Variants in MS4A8 observed in about 807,000 individuals in gnomAD.
MS4A8 encodes membrane spanning 4-domains A8, also known as membrane-spanning 4-domains subfamily A member 8.
A neutral mutation model predicts 23.7 loss-of-function variants in MS4A8; 27 were observed. The ratio of observed to expected loss-of-function variants is 1.14; its 90% CI spans 0.84 to 1.57. The LOEUF is 1.57. Among genes scored for constraint, MS4A8 ranks in the 40% most tolerant of loss-of-function variants. The probability of loss-of-function intolerance (pLI) is 0.00; values close to 1 mark genes in which losing one functional copy is unlikely to be tolerated. For synonymous variants in MS4A8, 138 were observed against 126.3 expected (o/e 1.09, Z -0.62); for missense variants, 301 against 311.4 (o/e 0.97, Z 0.25).
chr11:60,715,272 C>T (rs2088333789), intron 6 of MS4A8, 38 bp from the exon 7 acceptor site: 1 of 1,584,028 alleles, frequency 6.3e-7, no homozygotes, highest in African/African-American at 1.3e-5. Flanking sequence ...CATGGCCCGT[C>T]CTTCTTAGCA....
chr11:60,711,067 A>C (rs541977543), intron 5 of MS4A8, among the ~76,000 whole-genome samples: 102 of 152,116 alleles, frequency 6.7e-4, no homozygotes, highest in Non-Finnish European at 1.3e-3. Flanking sequence ...CTATGCATCT[A>C]ACACCCTCTG....
At position 60,715,044 on chromosome 11, in the gene MS4A8, C is replaced by A. The variant is rs768458327; in HGVS notation, c.558C>A (p.Gly186=). The part of the protein sequence containing the change: ...WGVNPGMAIS[G]VLLVFCLLEF... ...AGAACCCTGGAATGGCGATTTCTGG[C>A]GTGCTGCTGGTCTTCTGCCTCCTGG... Residue 186 remains glycine, a synonymous_variant, in exon 6 of 7, where the codon GGC becomes GGA. Transcript: ENST00000300226. 25 of 1,613,916 alleles carry A rather than the reference C, an allele frequency of 1.5e-5. No individual in the cohort carries two copies. Among genetic ancestry groups the A allele is most frequent in the Non-Finnish European group, 5.1e-6 (6 of 1,179,938 alleles).
chr11:60,707,142 C>G (rs1002988935), intron 4 of MS4A8, 95 bp downstream of exon 4: 9 of 1,140,810 alleles, frequency 7.9e-6, no homozygotes, highest in Admixed American at 1.7e-5. Flanking sequence ...CCTCCCCCAG[C>G]CTTGCACCTA....
At chr11:60,707,834 T>G (rs2868223) in intron 4 of MS4A8, among the ~76,000 whole-genome samples, 14,093 of 101,724 alleles carry the variant, frequency 0.14, 850 homozygotes, top group African/African-American at 0.18. Flanking sequence ...TTTTTTTTTT[T>G]TGTGTGTGTG....
chr11:60,715,162 G>A, intron 6 of MS4A8, 28 bp downstream of exon 6: 1 of 1,568,992 alleles, frequency 6.4e-7, no homozygotes, highest in Non-Finnish European at 8.8e-7. Flanking sequence ...TCAGTGGGTG[G>A]AAAGATGCCC....
At chr11:60,708,421 T>C (rs59750142) in intron 4 of MS4A8, among the ~76,000 whole-genome samples, 7,048 of 152,286 alleles carry the variant, frequency 0.046, 518 homozygotes, top group African/African-American at 0.16. Flanking sequence ...CACTTTTTGA[T>C]GAAAAGAGTT....
In MS4A8 at chr11:60,715,613, C is replaced by A; in HGVS notation, c.*199C>A. ...TCAAGAAGAAGACAGAGATTTTAAACAGATGTTAACCAAGAGGGACTCCCT... is the reference window on the plus strand; with the variant it reads ...TCAAGAAGAAGACAGAGATTTTAAAAAGATGTTAACCAAGAGGGACTCCCT... On this transcript the variant is annotated 3_prime_UTR_variant, in exon 7 of 7. Transcript: ENST00000300226. The A allele has an allele frequency of 1.7e-6, 1 of 572,928 alleles. No homozygotes were observed. The highest frequency in any genetic ancestry group is 3.1e-6 in the Non-Finnish European group (1 of 322,200). 35.5% of individuals were successfully genotyped at this position (572,928 alleles called of 1,614,324 possible).
intron 5 of MS4A8, among the ~76,000 whole-genome samples, chr11:60,711,426 C>T (rs1353408117): frequency 6.6e-6 from 1 of 152,188 alleles, no homozygotes; most frequent in Non-Finnish European, 1.5e-5. Context: ...TTGAGTTTCT[C>T]CCCTCCCAGA....
chr11:60,708,340 A>G (rs2134659247), intron 4 of MS4A8, among the ~76,000 whole-genome samples: 1 of 152,294 alleles, frequency 6.6e-6, no homozygotes, highest in East Asian at 1.9e-4. Context: ...AACTTACCCC[A>G]AAACCTTTCT....
chr11:60,701,440 G>A (rs1216273756), intron 2 of MS4A8: 4 of 396,052 alleles, frequency 1.0e-5, no homozygotes, highest in African/African-American at 4.2e-5. Flanking sequence ...CAATAAGATC[G>A]AATCAAATAT....
chr11:60,706,754 A>G lies in MS4A8; in HGVS notation c.343-234A>G, dbSNP rs7111666. 5.6e-3 allele frequency among the ~76,000 whole-genome samples: 857 copies of G among 152,350 alleles called. 5 individuals are homozygous for G. The highest frequency in any genetic ancestry group is 0.01 in the Middle Eastern group (3 of 294). On this transcript the variant is annotated intron_variant, in intron 3 of 6. Transcript: ENST00000300226. ...CTTAGAGAAGTTAATAACTTACCCAAGGTCAAGAGTTTCTAGCCAGAATTT... is the reference window on the plus strand; with the variant it reads ...CTTAGAGAAGTTAATAACTTACCCAGGGTCAAGAGTTTCTAGCCAGAATTT...
At chr11:60,708,851 G>A in intron 5 of MS4A8, 70 bp downstream of exon 5, 2 of 1,589,988 alleles carry the variant, frequency 1.3e-6, no homozygotes, top group Non-Finnish European at 1.7e-6. Flanking sequence ...TCCCAGAAAG[G>A]GCTTGACAAC....
At chr11:60,714,963 A>T (rs1194218392) in intron 5 of MS4A8, 58 bp from the exon 6 acceptor site, 2 of 1,188,138 alleles carry the variant, frequency 1.7e-6, no homozygotes, top group Non-Finnish European at 2.5e-6. Context: ...CCCCAGTGAG[A>T]GGTCAGTTCG....
intron 1 of MS4A8, among the ~76,000 whole-genome samples, chr11:60,700,042 A>G (rs1331348589): frequency 6.6e-6 from 1 of 152,250 alleles, no homozygotes; most frequent in Non-Finnish European, 1.5e-5. Flanking sequence ...ATGAACAGAC[A>G]CTGCCTTGGC....
intron 5 of MS4A8, 110 bp downstream of exon 5, chr11:60,708,891 A>G: frequency 1.5e-6 from 2 of 1,364,554 alleles, no homozygotes; most frequent in African/African-American, 1.4e-5. Context: ...TGGTAGGAAA[A>G]GGAGGTGCTT....
chr11:60,707,309 C>CGAGAGAGAGA (rs112128181), intron 4 of MS4A8, among the ~76,000 whole-genome samples: 4 of 147,568 alleles, frequency 2.7e-5, no homozygotes, highest in Non-Finnish European at 4.5e-5. Context: ...GTATGGAGAG[C>CGAGAGAGAGA]GAGAGAGAGA....
chr11:60,703,464 A>G lies in MS4A8; in HGVS notation c.306A>G (p.Ser102=), dbSNP rs776435378. ...TCGTAGGGGAATACCTGTCTATTTCATTCTACGGAGGCTTTCCCTTCTGGG... is the reference window on the plus strand; with the variant it reads ...TCGTAGGGGAATACCTGTCTATTTCGTTCTACGGAGGCTTTCCCTTCTGGG... ...TVLVGEYLSI[S]FYGGFPFWGG... is the part of the protein sequence containing the mutation. Residue 102 remains serine, a synonymous_variant, in exon 3 of 7, where the codon TCA becomes TCG. Coordinates refer to ENST00000300226, the MANE Select transcript of MS4A8 (RefSeq NM_031457.2). 3.1e-6 allele frequency: 5 copies of G among 1,608,822 alleles called. No individual in the cohort carries two copies. The South Asian group carries it at 4.4e-5, about 14-fold the overall frequency.
chr11:60,715,411 G>A lies in MS4A8; in HGVS notation c.750G>A (p.Lys250=), dbSNP rs1187682937. ...PSYSSEIQAN[K] ...ATTCCAGTGAGATCCAAGCAAATAAGTAAGGCTACAGATTCTGGAAGCATC... is the reference window on the plus strand; with the variant it reads ...ATTCCAGTGAGATCCAAGCAAATAAATAAGGCTACAGATTCTGGAAGCATC... The change falls in exon 7 of 7, where the codon AAG becomes AAA. Residue 250 remains lysine (K), a synonymous_variant. Transcript: ENST00000300226. 6.2e-7 allele frequency: 1 copy of A among 1,612,380 alleles called. No homozygotes were observed. Among genetic ancestry groups the A allele is most frequent in the Non-Finnish European group, 8.5e-7 (1 of 1,178,606 alleles).
At chr11:60,704,741 G>T (rs2088238850) in intron 3 of MS4A8, among the ~76,000 whole-genome samples, 2 of 152,070 alleles carry the variant, frequency 1.3e-5, no homozygotes, top group Non-Finnish European at 2.9e-5. Context: ...ACTCCATAAA[G>T]TGTTAAGAAC....
Sources: gnomAD v4.1 joint callset for allele counts (sites outside exome capture counted in the v4.1 genomes callset) on GRCh38, gnomAD v4.1.1 for gene constraint, MANE v1.5 for transcripts, NCBI Gene and HGNC (gene_info 2026-07-23, HGNC 2026-07-21) for gene names.